LRRFIP1: variants seen among roughly 807,000 people sequenced by gnomAD.
The protein encoded by LRRFIP1 is leucine-rich repeat flightless-interacting protein 1.
In LRRFIP1, 62 loss-of-function variants were observed where a neutral mutation model predicts 104.4. That is an observed-to-expected ratio of 0.59 (90% CI 0.48 to 0.73). The LOEUF (loss-of-function observed/expected upper bound fraction) is 0.73, where lower values mean the gene tolerates loss of function less well. Among genes scored for constraint, LRRFIP1 ranks in the 30% least tolerant of loss-of-function variants. The pLI, the probability that LRRFIP1 is intolerant of heterozygous loss-of-function variation, is 0.00. For synonymous variants in LRRFIP1, 300 were observed against 299.0 expected (o/e 1.00, Z -0.03); for missense variants, 796 against 824.5 (o/e 0.97, Z 0.42).
In LRRFIP1 at chr2:237,723,532, ATCTT is replaced by A. The variant is rs780355520; in HGVS notation, c.346-11_346-8del. ...TTTGCTGTTGTTTTTTTTTTCTGCC[ATCTT>A]TCTTCTGACAGTCGCAGCCTGACTT... On this transcript the variant is annotated splice_polypyrimidine_tract_variant and intron_variant, in intron 6 of 23. Coordinates refer to ENST00000308482, the MANE Select transcript of LRRFIP1 (RefSeq NM_001137550.2). 5 of 1,610,642 alleles carry A rather than the reference ATCTT, an allele frequency of 3.1e-6. No individual in the cohort carries two copies. In the East Asian group the frequency reaches 1.1e-4, roughly 36 times the overall value.
At chr2:237,749,830 T>C (rs2058361680) in intron 13 of LRRFIP1, among the ~76,000 whole-genome samples, 1 of 152,178 alleles carries the variant, frequency 6.6e-6, no homozygotes, top group Non-Finnish European at 1.5e-5. Context: ...CACTGTAGTG[T>C]AGGTATTATT....
chr2:237,689,302 C>T lies in LRRFIP1; in HGVS notation c.97-19242C>T, dbSNP rs904958990. Reference sequence around the variant, plus strand: ...ACACCAAGAAAGATGTATTAGCATTCAACTTACAGTATAGACTTTGCTCTT... The same window carrying T: ...ACACCAAGAAAGATGTATTAGCATTTAACTTACAGTATAGACTTTGCTCTT... On this transcript the variant is annotated intron_variant, in intron 1 of 23. Coordinates refer to ENST00000308482, the MANE Select transcript of LRRFIP1 (RefSeq NM_001137550.2). 5.3e-5 allele frequency among the ~76,000 whole-genome samples: 8 copies of T among 152,162 alleles called. No homozygotes were observed. The East Asian group carries it at 1.5e-3, about 29-fold the overall frequency.
intron 1 of LRRFIP1, among the ~76,000 whole-genome samples, chr2:237,695,296 C>CA (rs1401230197): frequency 6.6e-6 from 1 of 152,106 alleles, no homozygotes; most frequent in Non-Finnish European, 1.5e-5. Flanking sequence ...TAGCAAATTT[C>CA]AAAAAACCCT....
intron 22 of LRRFIP1, chr2:237,774,074 G>A (rs912903861): frequency 5.4e-6 from 2 of 373,106 alleles, no homozygotes; most frequent in African/African-American, 2.0e-5. Context: ...CCCACGCAGC[G>A]GGAGAAGAAG....
At chr2:237,756,008 C>T in intron 15 of LRRFIP1, 87 bp from the exon 16 acceptor site, 1 of 778,942 alleles carries the variant, frequency 1.3e-6, no homozygotes, top group Non-Finnish European at 2.2e-6. Context: ...TGATTTGTTC[C>T]ACAGAAACTA....
chr2:237,663,247 C>A (rs1307468133), intron 1 of LRRFIP1, among the ~76,000 whole-genome samples: 1 of 152,214 alleles, frequency 6.6e-6, no homozygotes, highest in Non-Finnish European at 1.5e-5. Context: ...TGTGAGCATT[C>A]TGTGAGATGC....
chr2:237,694,440 G>T (rs2093026462), intron 1 of LRRFIP1, among the ~76,000 whole-genome samples: 1 of 151,950 alleles, frequency 6.6e-6, no homozygotes, highest in South Asian at 2.1e-4. Flanking sequence ...AAGGAAATGT[G>T]CTGAGTGGTG....
intron 1 of LRRFIP1, among the ~76,000 whole-genome samples, chr2:237,705,363 A>G (rs2093752179): frequency 1.3e-5 from 2 of 152,200 alleles, no homozygotes; most frequent in Non-Finnish European, 2.9e-5. Flanking sequence ...TTCTGTGGTC[A>G]GGAGTCTGGG....
At chr2:237,749,088 C>A (rs2058254508) in intron 12 of LRRFIP1, 111 bp from the exon 13 acceptor site, 6 of 1,174,354 alleles carry the variant, frequency 5.1e-6, no homozygotes, top group Middle Eastern at 2.8e-4. Flanking sequence ...TCTCCTCCCA[C>A]CAGGGCCGTC....
At chr2:237,729,819 T>A in intron 8 of LRRFIP1, 1 of 985,434 alleles carries the variant, frequency 1.0e-6, no homozygotes, top group Non-Finnish European at 1.2e-6. Flanking sequence ...CTCTACTTTG[T>A]CATCATCCAG....
chr2:237,772,009 G>A, intron 20 of LRRFIP1, 72 bp from the exon 21 acceptor site: 8 of 1,019,722 alleles, frequency 7.8e-6, no homozygotes, highest in Non-Finnish European at 1.2e-5. Flanking sequence ...CTTTCTGATG[G>A]GCTCTAACTT....
At chr2:237,629,804 G>A (rs1037573564) in intron 1 of LRRFIP1, among the ~76,000 whole-genome samples, 1 of 152,166 alleles carries the variant, frequency 6.6e-6, no homozygotes, top group Admixed American at 6.5e-5. Flanking sequence ...AGATTGAAAA[G>A]GAAGGCAAGG....
At chr2:237,682,652 G>A (rs1559534352) in intron 1 of LRRFIP1, among the ~76,000 whole-genome samples, 1 of 152,160 alleles carries the variant, frequency 6.6e-6, no homozygotes, top group East Asian at 1.9e-4. Context: ...ATCCCTTGGT[G>A]TGACCACACC....
chr2:237,670,823 G>A (rs780239472), intron 1 of LRRFIP1, among the ~76,000 whole-genome samples: 38 of 152,232 alleles, frequency 2.5e-4, no homozygotes, highest in African/African-American at 9.2e-4. Context: ...CCGTGGGGCC[G>A]TTACGAGAAG....
At chr2:237,687,603 CAAAAA>C (rs58549867) in intron 1 of LRRFIP1, among the ~76,000 whole-genome samples, 1 of 81,114 alleles carries the variant, frequency 1.2e-5, no homozygotes, top group Non-Finnish European at 2.5e-5. Context: ...GACTCCATCT[CAAAAA>C]AAAAAAAAAA....
chr2:237,655,189 T>C (rs112429947), intron 1 of LRRFIP1, among the ~76,000 whole-genome samples: 1 of 67,732 alleles, frequency 1.5e-5, no homozygotes. Flanking sequence ...AGGCTCACTG[T>C]AAGCTTCGCC....
intron 19 of LRRFIP1, among the ~76,000 whole-genome samples, chr2:237,767,869 G>A (rs2060340475): frequency 6.6e-6 from 1 of 152,216 alleles, no homozygotes; most frequent in Non-Finnish European, 1.5e-5. Flanking sequence ...GGGAAAGGGA[G>A]GGGTGTTTGT....
At position 237,649,154 on chromosome 2, in the gene LRRFIP1, A is replaced by C. The variant is rs544258203; in HGVS notation, c.96+21414A>C. On this transcript the variant is annotated intron_variant, in intron 1 of 23. Coordinates refer to ENST00000308482, the MANE Select transcript of LRRFIP1 (RefSeq NM_001137550.2). The surrounding 1 kb of genome is among the most constrained non-coding windows in gnomAD (Gnocchi z 4.1). ...GAAGCTCGCATGGTCCCAGCCTCAG[A>C]GCCCCGTTCTCTGTGACCTGGCTGG... 2.6e-5 allele frequency among the ~76,000 whole-genome samples: 4 copies of C among 151,940 alleles called. No individual in the cohort carries two copies. The highest frequency in any genetic ancestry group is 6.5e-5 in the Admixed American group (1 of 15,280).
chr2:237,776,125 T>C (rs902270929), intron 23 of LRRFIP1, among the ~76,000 whole-genome samples: 2 of 151,914 alleles, frequency 1.3e-5, no homozygotes, highest in Non-Finnish European at 2.9e-5. Flanking sequence ...CATGCCTGGC[T>C]AATTTTTGTG....
Sources: allele counts gnomAD v4.1 joint callset (sites outside exome capture counted in the v4.1 genomes callset), GRCh38; gene constraint gnomAD v4.1.1; non-coding constraint Gnocchi (gnomAD v3.1); transcripts MANE v1.5; gene names NCBI Gene and HGNC (gene_info 2026-07-23, HGNC 2026-07-21).